Variants in GFRA2 observed in about 807,000 individuals in gnomAD.
The protein encoded by GFRA2 is GDNF family receptor alpha 2.
A neutral mutation model predicts 48.3 loss-of-function variants in GFRA2; 17 were observed. The observed-to-expected ratio is 0.35, with a 90% confidence interval of 0.24 to 0.53. GFRA2 has a LOEUF of 0.53. Ranked by LOEUF, GFRA2 falls within the 20% of genes least tolerant of loss-of-function variation. GFRA2 has a pLI of 0.93. For missense variants in GFRA2, 660 were observed against 637.3 expected, an observed-to-expected ratio of 1.04 and a Z score of -0.38; for synonymous variants, 305 against 257.2, an observed-to-expected ratio of 1.19 and a Z score of -1.78.
At chr8:21,807,663 A>G (rs888918081) in intron 1 of GFRA2, among the ~76,000 whole-genome samples, 3 of 152,088 alleles carry the variant, frequency 2.0e-5, no homozygotes, top group African/African-American at 7.2e-5. Flanking sequence ...GTGCATGCAC[A>G]CCCCTTGTGT....
At chr8:21,743,348 T>C (rs1438267948) in intron 4 of GFRA2, among the ~76,000 whole-genome samples, 1 of 152,186 alleles carries the variant, frequency 6.6e-6, no homozygotes, top group Non-Finnish European at 1.5e-5. Context: ...GATTTTACTT[T>C]TCTGTGACTC....
intron 7 of GFRA2, among the ~76,000 whole-genome samples, chr8:21,701,762 C>T (rs899440215): frequency 2.0e-5 from 3 of 152,152 alleles, no homozygotes; most frequent in Admixed American, 6.5e-5. Context: ...TGCACAAAAC[C>T]AGGCTGGGGC....
chr8:21,805,659 C>T (rs1296525574), intron 1 of GFRA2, among the ~76,000 whole-genome samples: 1 of 152,178 alleles, frequency 6.6e-6, no homozygotes, highest in East Asian at 1.9e-4. Context: ...AGCAATTTGG[C>T]CCAAGCTTCC....
chr8:21,777,223 A>T (rs1445271422), intron 2 of GFRA2, among the ~76,000 whole-genome samples: 1 of 152,210 alleles, frequency 6.6e-6, no homozygotes, highest in Non-Finnish European at 1.5e-5. Flanking sequence ...CTGTCTCCCA[A>T]AATGCAGAGT....
At chr8:21,701,262 C>T (rs529209712) in intron 7 of GFRA2, among the ~76,000 whole-genome samples, 6 of 152,232 alleles carry the variant, frequency 3.9e-5, no homozygotes, top group African/African-American at 1.2e-4. Context: ...GGCATGTTGG[C>T]GGGTGCCTGT....
At chr8:21,752,436 ACT>A (rs1312582898) in intron 3 of GFRA2, among the ~76,000 whole-genome samples, 2 of 149,680 alleles carry the variant, frequency 1.3e-5, no homozygotes, top group Admixed American at 1.3e-4. Context: ...GCCTCCTTCC[ACT>A]CTCTGCTGGG....
chr8:21,700,797 T>A (rs1802436058), intron 7 of GFRA2, among the ~76,000 whole-genome samples: 1 of 151,810 alleles, frequency 6.6e-6, no homozygotes, highest in Non-Finnish European at 1.5e-5. Context: ...CCCTCTAGGG[T>A]GTATCTAGGG....
intron 2 of GFRA2, among the ~76,000 whole-genome samples, chr8:21,800,732 C>T (rs1807755647): frequency 6.6e-6 from 1 of 152,046 alleles, no homozygotes; most frequent in African/African-American, 2.4e-5. Context: ...GGAGGCCAGC[C>T]CAGGCAACAC....
intron 1 of GFRA2, among the ~76,000 whole-genome samples, chr8:21,807,743 C>G (rs1194622075): frequency 1.3e-5 from 2 of 152,142 alleles, no homozygotes; most frequent in Non-Finnish European, 2.9e-5. Context: ...TGACCAAGTC[C>G]CATCCTACAG....
At chr8:21,708,283 G>A (rs904790194) in intron 4 of GFRA2, among the ~76,000 whole-genome samples, 2 of 152,172 alleles carry the variant, frequency 1.3e-5, no homozygotes, top group Non-Finnish European at 2.9e-5. Context: ...GCATTTCCAA[G>A]CAATCCTTCA....
rs1357934779 is a variant in GFRA2, at chr8:21,712,478, C to G, written c.795-6437G>C. Among the ~76,000 whole-genome samples, 5 of 151,496 alleles carry G rather than the reference C, an allele frequency of 3.3e-5. No homozygotes were observed. In the East Asian group the frequency reaches 7.8e-4, roughly 24 times the overall value. ...GCCGGGAAGAGGCGCTCCTCACTTC[C>G]TAGATGGGATGGCGGGCGGGCAGAG... On this transcript the variant is annotated intron_variant, in intron 4 of 8. Coordinates refer to ENST00000524240, the MANE Select transcript of GFRA2 (RefSeq NM_001495.5).
At chr8:21,740,700 C>T (rs1321367660) in intron 4 of GFRA2, among the ~76,000 whole-genome samples, 1 of 152,156 alleles carries the variant, frequency 6.6e-6, no homozygotes, top group Non-Finnish European at 1.5e-5. Flanking sequence ...ACGCTAATGC[C>T]CCCAGAATTT....
At chr8:21,791,600 CACCT>C (rs1291717074), upstream of GFRA2, among the ~76,000 whole-genome samples, 1 of 152,190 alleles carries the variant, frequency 6.6e-6, no homozygotes, top group Non-Finnish European at 1.5e-5. Flanking sequence ...TGTACTATAA[CACCT>C]TATAGATAAG....
In GFRA2 at chr8:21,702,881, G is replaced by A. The variant is rs375798460; in HGVS notation, c.1142C>T (p.Thr381Met). 3.9e-5 allele frequency: 62 copies of A among 1,607,986 alleles called. No homozygotes were observed. Among genetic ancestry groups the A allele is most frequent in the Admixed American group, 2.4e-4 (14 of 59,328 alleles). The change falls in exon 7 of 9, where the codon ACG (threonine) becomes ATG (methionine). Residue 381 changes from threonine to methionine, a missense_variant. Physicochemically the swap from Thr to Met is moderately conservative, Grantham distance 81. Transcript: ENST00000524240. ...ACTGAGGTCATCTGGCAAAGAAGGCGTCTTCTCCACCCGAGGGGCCTGGGT... is the reference window on the plus strand; with the variant it reads ...ACTGAGGTCATCTGGCAAAGAAGGCATCTTCTCCACCCGAGGGGCCTGGGT... ...QATQAPRVEKTPSLPDDLSDS... is the reference protein window; with the variant it reads ...QATQAPRVEKMPSLPDDLSDS...
intron 2 of GFRA2, among the ~76,000 whole-genome samples, chr8:21,778,316 G>A (rs2117722625): frequency 6.6e-6 from 1 of 152,292 alleles, no homozygotes; most frequent in African/African-American, 2.4e-5. Context: ...ACTACCTGGA[G>A]GCCTCCTGGC....
rs1173576934 is a variant in GFRA2, at chr8:21,705,948, A to G, written c.888T>C (p.Ser296=). 9.0e-6 allele frequency: 14 copies of G among 1,563,508 alleles called. No individual in the cohort carries two copies. Among genetic ancestry groups the G allele is most frequent in the Non-Finnish European group, 1.2e-5 (14 of 1,152,720 alleles). ...AGAGCTTACCAATCATGCCAGCATA[A>G]GAGCCCAGACACGCCTGGTAATTGT... ...PADNYQACLG[S]YAGMIGFDMT... is the part of the protein sequence containing the mutation. The change falls in exon 5 of 9, where the codon TCT becomes TCC. Residue 296 remains serine, a synonymous_variant. Coordinates refer to ENST00000524240, the MANE Select transcript of GFRA2 (RefSeq NM_001495.5).
intron 4 of GFRA2, among the ~76,000 whole-genome samples, chr8:21,726,835 C>T (rs1276505004): frequency 6.6e-6 from 1 of 150,382 alleles, no homozygotes; most frequent in Non-Finnish European, 1.5e-5. Context: ...TCACTGCAAG[C>T]TCCACTTCCC....
intron 4 of GFRA2, among the ~76,000 whole-genome samples, chr8:21,726,666 T>G (rs1400386722): frequency 1.3e-5 from 2 of 152,158 alleles, no homozygotes; most frequent in Non-Finnish European, 2.9e-5. Context: ...TGTGTCCTCC[T>G]GTCTTATAAG....
intron 4 of GFRA2, among the ~76,000 whole-genome samples, chr8:21,746,852 C>A (rs571677648): frequency 1.3e-5 from 2 of 152,000 alleles, no homozygotes; most frequent in Non-Finnish European, 2.9e-5. Flanking sequence ...TAAACTGACA[C>A]AGACGTTCTC....
Sources: gnomAD v4.1 joint callset for allele counts (sites outside exome capture counted in the v4.1 genomes callset) on GRCh38, gnomAD v4.1.1 for gene constraint, MANE v1.5 for transcripts, NCBI Gene and HGNC (gene_info 2026-07-23, HGNC 2026-07-21) for gene names.